LRRC4C: variants seen among roughly 807,000 people sequenced by gnomAD.
LRRC4C encodes the protein leucine rich repeat containing 4C.
A neutral mutation model predicts 33.6 loss-of-function variants in LRRC4C; 5 were observed. The observed-to-expected ratio is 0.15, with a 90% CI of 0.08 to 0.31. LRRC4C has a LOEUF of 0.31. Ranked by LOEUF, LRRC4C falls within the 10% of genes least tolerant of loss-of-function variation. LRRC4C has a pLI of 1.00. For synonymous variants in LRRC4C, 329 were observed against 302.0 expected (o/e 1.09, Z -0.93); for missense variants, 560 against 796.7 (o/e 0.70, Z 3.58).
At chr11:41,402,369 T>C (rs773387162) in intron 1 of LRRC4C, among the ~76,000 whole-genome samples, 6 of 152,022 alleles carry the variant, frequency 3.9e-5, no homozygotes, top group Non-Finnish European at 5.9e-5. Context: ...TATTACACAT[T>C]AAAGGTTTCT....
intron 3 of LRRC4C, among the ~76,000 whole-genome samples, chr11:40,343,182 A>C (rs1457958552): frequency 6.6e-6 from 1 of 152,168 alleles, no homozygotes; most frequent in Non-Finnish European, 1.5e-5. Context: ...GCTTATACAT[A>C]TACTTTGACA....
intron 1 of LRRC4C, among the ~76,000 whole-genome samples, chr11:41,073,557 T>C (rs1938877690): frequency 6.6e-6 from 1 of 152,150 alleles, no homozygotes; most frequent in Non-Finnish European, 1.5e-5. Context: ...GGCTAACCCA[T>C]GTTAGAACTC....
At chr11:40,339,084 G>T (rs1257581458) in intron 3 of LRRC4C, among the ~76,000 whole-genome samples, 8 of 152,168 alleles carry the variant, frequency 5.3e-5, no homozygotes, top group Non-Finnish European at 8.8e-5. Flanking sequence ...GCCCAAGTGT[G>T]ACAGGTAGTG....
At chr11:41,153,001 A>G (rs1030692774) in intron 1 of LRRC4C, among the ~76,000 whole-genome samples, 1 of 152,100 alleles carries the variant, frequency 6.6e-6, no homozygotes, top group Non-Finnish European at 1.5e-5. Context: ...TCTCATGTCT[A>G]TATGTTTGCC....
chr11:40,385,480 G>A (rs1949069751), intron 3 of LRRC4C, among the ~76,000 whole-genome samples: 1 of 152,080 alleles, frequency 6.6e-6, no homozygotes, highest in South Asian at 2.1e-4. Context: ...ATAAATGGGA[G>A]ATAAACATTG....
chr11:41,009,405 A>G (rs2137503753), intron 1 of LRRC4C, among the ~76,000 whole-genome samples: 1 of 152,256 alleles, frequency 6.6e-6, no homozygotes, highest in East Asian at 1.9e-4. Flanking sequence ...CTGACAGCGA[A>G]TGAAGCAAGA....
chr11:40,572,490 G>T (rs1215235433), intron 3 of LRRC4C, among the ~76,000 whole-genome samples: 3 of 152,176 alleles, frequency 2.0e-5, no homozygotes, highest in African/African-American at 4.8e-5. Context: ...TACAAAAAAG[G>T]CAGTGGAGTT....
chr11:40,195,700 A>G (rs1315710927), intron 5 of LRRC4C, among the ~76,000 whole-genome samples: 2 of 151,922 alleles, frequency 1.3e-5, no homozygotes, highest in Non-Finnish European at 2.9e-5. Context: ...AAAGATTTGT[A>G]TGGCAAATAA....
At chr11:41,321,817 G>T (rs569993473) in intron 1 of LRRC4C, among the ~76,000 whole-genome samples, 3 of 152,168 alleles carry the variant, frequency 2.0e-5, no homozygotes, top group Admixed American at 6.5e-5. Context: ...CAAAGGAGTA[G>T]CCTGTGTGCA....
chr11:41,080,640 A>T (rs2135481534), intron 1 of LRRC4C, among the ~76,000 whole-genome samples: 1 of 152,282 alleles, frequency 6.6e-6, no homozygotes, highest in South Asian at 2.1e-4. Flanking sequence ...GGCATGAGCC[A>T]CCATCCCTGG....
chr11:41,297,530 T>C (rs1425513607), intron 1 of LRRC4C, among the ~76,000 whole-genome samples: 1 of 152,176 alleles, frequency 6.6e-6, no homozygotes, highest in Admixed American at 6.5e-5. Flanking sequence ...CACCTTAGTA[T>C]TGAATAAAAA....
chr11:40,493,296 T>A (rs1053569850), intron 3 of LRRC4C, among the ~76,000 whole-genome samples: 1 of 152,114 alleles, frequency 6.6e-6, no homozygotes, highest in African/African-American at 2.4e-5. Flanking sequence ...AGCCTGTAGA[T>A]CCAGCTTTGT....
At chr11:40,721,491 T>C (rs925131639) in intron 2 of LRRC4C, among the ~76,000 whole-genome samples, 1 of 152,208 alleles carries the variant, frequency 6.6e-6, no homozygotes, top group Non-Finnish European at 1.5e-5. Flanking sequence ...ACTAAGACAC[T>C]TGAGTTTCAA....
intron 1 of LRRC4C, among the ~76,000 whole-genome samples, chr11:40,997,609 C>A (rs1854075678): frequency 6.6e-6 from 1 of 151,922 alleles, no homozygotes; most frequent in African/African-American, 2.4e-5. Context: ...TAGAGGTGGG[C>A]AAAGGGTCAA....
At chr11:41,126,196 T>C (rs1297887234) in intron 1 of LRRC4C, among the ~76,000 whole-genome samples, 5 of 151,974 alleles carry the variant, frequency 3.3e-5, no homozygotes, top group Admixed American at 3.3e-4. Context: ...TTAAATTAAA[T>C]TAAATTAAAT....
chr11:40,634,043 T>C (rs1963741704), intron 3 of LRRC4C, among the ~76,000 whole-genome samples: 1 of 152,226 alleles, frequency 6.6e-6, no homozygotes, highest in Non-Finnish European at 1.5e-5. Context: ...TGACAGGTTG[T>C]AGTCACACTT....
At chr11:40,854,369 G>C (rs1044744874) in intron 2 of LRRC4C, among the ~76,000 whole-genome samples, 1 of 152,178 alleles carries the variant, frequency 6.6e-6, no homozygotes, top group African/African-American at 2.4e-5. Context: ...CAGAAGTGTA[G>C]ATGAGAGCTT....
intron 2 of LRRC4C, among the ~76,000 whole-genome samples, chr11:40,888,140 G>T (rs1489536611): frequency 1.3e-5 from 2 of 151,760 alleles, no homozygotes; most frequent in East Asian, 3.9e-4. Flanking sequence ...GGTATTTTGT[G>T]AAAATTCCAG....
intron 1 of LRRC4C, among the ~76,000 whole-genome samples, chr11:41,452,830 G>T (rs915146086): frequency 6.6e-6 from 1 of 151,826 alleles, no homozygotes; most frequent in Non-Finnish European, 1.5e-5. Flanking sequence ...AATTTGTATC[G>T]TCTCTGGCAC....
Sources: gnomAD v4.1 joint callset for allele counts (sites outside exome capture counted in the v4.1 genomes callset) on GRCh38, gnomAD v4.1.1 for gene constraint, MANE v1.5 for transcripts, NCBI Gene and HGNC (gene_info 2026-07-23, HGNC 2026-07-21) for gene names.